Variants in FGD4 observed in about 807,000 individuals in gnomAD.
FGD4 encodes the protein FYVE, RhoGEF and PH domain-containing protein 4.
FGD4 carries 42 observed loss-of-function variants against 102.0 expected under a neutral mutation model. That is an observed-to-expected ratio of 0.41 (90% CI 0.32 to 0.53). The LOEUF (loss-of-function observed/expected upper bound fraction) is 0.53, where lower values mean the gene tolerates loss of function less well. FGD4 is among the 20% of genes least tolerant of loss of function. The probability of loss-of-function intolerance (pLI) is 0.21; values close to 1 mark genes in which losing one functional copy is unlikely to be tolerated. For missense variants in FGD4, 902 were observed against 1,078.2 expected, an observed-to-expected ratio of 0.84 and a Z score of 2.29; for synonymous variants, 380 against 375.7, an observed-to-expected ratio of 1.01 and a Z score of -0.13.
chr12:32,465,754 A>C (rs1216728870), intron 1 of FGD4, among the ~76,000 whole-genome samples: 1 of 151,498 alleles, frequency 6.6e-6, no homozygotes, highest in Admixed American at 6.6e-5. Flanking sequence ...ATTTTTTAGC[A>C]ACAAAGTGTG....
At chr12:32,504,869 G>T (rs1352628307) in intron 1 of FGD4, among the ~76,000 whole-genome samples, 1 of 152,178 alleles carries the variant, frequency 6.6e-6, no homozygotes, top group Non-Finnish European at 1.5e-5. Flanking sequence ...AATGTTGCCT[G>T]ACATAACAAA....
intron 4 of FGD4, 67 bp from the exon 5 acceptor site, chr12:32,598,430 G>T: frequency 8.8e-7 from 1 of 1,139,600 alleles, no homozygotes; most frequent in Non-Finnish European, 1.3e-6. Flanking sequence ...TTGAAGAAGC[G>T]TTTTTTACTT....
In FGD4 at chr12:32,525,110, C is replaced by T. The variant is rs999012643; in HGVS notation, c.167-39027C>T. Among the ~76,000 whole-genome samples, 28 of 152,298 alleles carry T rather than the reference C, an allele frequency of 1.8e-4. 1 individual carries two copies. The highest frequency in any genetic ancestry group is 7.7e-4 in the East Asian group (4 of 5,180). ...TTTTTCTACTCCCTATGCCTCCCCACCAGAGGTATCTGCCATCCTGAAATT... is the reference window on the plus strand; with the variant it reads ...TTTTTCTACTCCCTATGCCTCCCCATCAGAGGTATCTGCCATCCTGAAATT... On this transcript the variant is annotated intron_variant, in intron 1 of 16. Transcript: ENST00000534526.
intron 1 of FGD4, among the ~76,000 whole-genome samples, chr12:32,443,926 G>A (rs1174311911): frequency 1.3e-5 from 2 of 151,572 alleles, no homozygotes; most frequent in African/African-American, 2.4e-5. Context: ...TTAAAAAATC[G>A]ACAGATTTAC....
At chr12:32,454,604 G>GA (rs1283473975) in intron 1 of FGD4, among the ~76,000 whole-genome samples, 10 of 152,148 alleles carry the variant, frequency 6.6e-5, no homozygotes, top group Non-Finnish European at 1.5e-4. Flanking sequence ...CTGTCAATGT[G>GA]ATAGGTCCCA....
intron 3 of FGD4, among the ~76,000 whole-genome samples, chr12:32,577,803 T>A (rs1946251585): frequency 6.6e-6 from 1 of 152,206 alleles, no homozygotes. Flanking sequence ...GAGTGACCCC[T>A]CATGTTTGCA....
intron 11 of FGD4, among the ~76,000 whole-genome samples, chr12:32,620,317 C>T (rs965428507): frequency 3.9e-5 from 6 of 152,002 alleles, no homozygotes; most frequent in Non-Finnish European, 7.4e-5. Flanking sequence ...AAGAAATGTT[C>T]ATAAGAGGCA....
intron 10 of FGD4, among the ~76,000 whole-genome samples, chr12:32,611,863 G>A (rs1424265493): frequency 2.6e-5 from 4 of 152,218 alleles, no homozygotes; most frequent in Non-Finnish European, 4.4e-5. Context: ...CTACCCAGCC[G>A]CAGCTGCCGA....
intron 1 of FGD4, among the ~76,000 whole-genome samples, chr12:32,465,694 CT>C (rs1240567498): frequency 5.3e-5 from 8 of 151,944 alleles, no homozygotes; most frequent in African/African-American, 1.9e-4. Context: ...AAGAAAGACC[CT>C]CCATTAGCAG....
chr12:32,569,491 A>G lies in FGD4; in HGVS notation c.319+5202A>G, dbSNP rs531796719. 3.4e-4 allele frequency among the ~76,000 whole-genome samples: 51 copies of G among 152,234 alleles called. No homozygotes were observed. In the South Asian group the frequency reaches 3.5e-3, roughly 11 times the overall value. On this transcript the variant is annotated intron_variant, in intron 2 of 16. Coordinates refer to ENST00000534526, the MANE Select transcript of FGD4 (RefSeq NM_001370298.3). ...CTGGCTGTCATTCCATCTGCTGGAA[A>G]GCCCTTCCCCAAACAGTTCCTTCCA...
chr12:32,536,922 CTCTTT>C (rs1592144463), intron 1 of FGD4, among the ~76,000 whole-genome samples: 1 of 151,312 alleles, frequency 6.6e-6, no homozygotes, highest in Non-Finnish European at 1.5e-5. Flanking sequence ...TTTTCTCTCT[CTCTTT>C]TCTTTTTTTT....
At chr12:32,562,976 C>G (rs1431488770) in intron 1 of FGD4, among the ~76,000 whole-genome samples, 1 of 152,118 alleles carries the variant, frequency 6.6e-6, no homozygotes, top group Non-Finnish European at 1.5e-5. Flanking sequence ...CTTCTCACAT[C>G]CCAGTAGGGG....
At chr12:32,515,406 A>G (rs1188384737) in intron 1 of FGD4, among the ~76,000 whole-genome samples, 1 of 152,256 alleles carries the variant, frequency 6.6e-6, no homozygotes, top group Non-Finnish European at 1.5e-5. Context: ...AAAGCCCAGC[A>G]GATAGAATGT....
chr12:32,458,981 C>A (rs1943024366), intron 1 of FGD4, among the ~76,000 whole-genome samples: 1 of 152,132 alleles, frequency 6.6e-6, no homozygotes, highest in Admixed American at 6.5e-5. Flanking sequence ...CAGGTCTTTT[C>A]ATTGGAATTA....
intron 2 of FGD4, among the ~76,000 whole-genome samples, chr12:32,572,089 T>C (rs780216542): frequency 5.3e-5 from 8 of 151,888 alleles, no homozygotes; most frequent in Non-Finnish European, 1.0e-4. Flanking sequence ...TATGTATGTT[T>C]ACACACACAC....
At chr12:32,498,467 A>G (rs920213879) in intron 1 of FGD4, among the ~76,000 whole-genome samples, 1 of 152,214 alleles carries the variant, frequency 6.6e-6, no homozygotes, top group Non-Finnish European at 1.5e-5. Flanking sequence ...TTGGCAGGGT[A>G]CACCCACATC....
chr12:32,410,578 A>C (rs372639535), intron 1 of FGD4, among the ~76,000 whole-genome samples: 2 of 152,342 alleles, frequency 1.3e-5, no homozygotes, highest in Admixed American at 6.5e-5. Context: ...TGTAGGCATT[A>C]GCACCAGCAA....
intron 14 of FGD4, among the ~76,000 whole-genome samples, chr12:32,628,217 T>G (rs1426624819): frequency 6.6e-6 from 1 of 152,030 alleles, no homozygotes; most frequent in Non-Finnish European, 1.5e-5. Context: ...GTGGGGCAGA[T>G]GATAAGGAGA....
In FGD4 at chr12:32,489,811, T is replaced by TA. The variant is rs912197357; in HGVS notation, c.167-74319dup. Among the ~76,000 whole-genome samples the TA allele has an allele frequency of 1.3e-5, 2 of 152,128 alleles. 1 individual carries two copies. The highest frequency in any genetic ancestry group is 4.8e-5 in the African/African-American group (2 of 41,432). On this transcript the variant is annotated intron_variant, in intron 1 of 16. Coordinates refer to ENST00000534526, the MANE Select transcript of FGD4 (RefSeq NM_001370298.3). Reference sequence around the variant, plus strand: ...CAATGAGGTTATTTTATTTATATATTAAAAAAATCAAGACTTTGGCCTATT... The same window carrying TA: ...CAATGAGGTTATTTTATTTATATATTAAAAAAAATCAAGACTTTGGCCTATT...
Sources: allele counts gnomAD v4.1 joint callset (sites outside exome capture counted in the v4.1 genomes callset), GRCh38; gene constraint gnomAD v4.1.1; transcripts MANE v1.5; gene names NCBI Gene and HGNC (gene_info 2026-07-23, HGNC 2026-07-21).